Variants in FAM83B observed in about 807,000 individuals in gnomAD.
FAM83B encodes protein FAM83B.
A neutral mutation model predicts 38.8 loss-of-function variants in FAM83B; 26 were observed. That is an observed-to-expected ratio of 0.67 (90% confidence interval 0.49 to 0.93). FAM83B has a LOEUF of 0.93. Among genes scored for constraint, FAM83B ranks in the 40% least tolerant of loss-of-function variants. The pLI, the probability that FAM83B is intolerant of heterozygous loss-of-function variation, is 0.00. For synonymous variants in FAM83B, 419 were observed against 423.1 expected, an observed-to-expected ratio of 0.99 and a Z score of 0.12; for missense variants, 1,237 against 1,197.3, an observed-to-expected ratio of 1.03 and a Z score of -0.49.
intron 2 of FAM83B, among the ~76,000 whole-genome samples, chr6:54,925,828 C>T (rs1024395009): frequency 6.6e-6 from 1 of 152,042 alleles, no homozygotes; most frequent in South Asian, 2.1e-4. Context: ...GAACCATTCC[C>T]CCAGTAAACT....
chr6:54,917,240 A>G (rs1298283962), intron 2 of FAM83B, among the ~76,000 whole-genome samples: 1 of 152,178 alleles, frequency 6.6e-6, no homozygotes, highest in African/African-American at 2.4e-5. Context: ...AGTTATAACT[A>G]CCTTAGAAAC....
In FAM83B at chr6:54,940,155, A is replaced by G; in HGVS notation, c.1184A>G (p.Glu395Gly). The change falls in exon 5 of 5, where the codon GAA (glutamate) becomes GGA (glycine). Residue 395 changes from glutamate (E) to glycine (G), a missense_variant. By Grantham distance (98) the Glu-to-Gly change is moderately conservative. Coordinates refer to ENST00000306858, the MANE Select transcript of FAM83B (RefSeq NM_001010872.3). ...KRHSYAGEQP[E>G]TVPYLLLNRA... is the part of the protein sequence containing the mutation. ...CATAGTTATGCTGGGGAACAGCCAG[A>G]AACAGTGCCATACCTCCTGCTTAAT... is the stretch of plus-strand genomic sequence containing the variant. 1 of 1,614,118 alleles carries G rather than the reference A, an allele frequency of 6.2e-7. No individual in the cohort carries two copies. Among genetic ancestry groups the G allele is most frequent in the Non-Finnish European group, 8.5e-7 (1 of 1,180,010 alleles).
intron 4 of FAM83B, among the ~76,000 whole-genome samples, chr6:54,938,719 G>GT (rs1185841086): frequency 6.6e-6 from 1 of 151,878 alleles, no homozygotes; most frequent in Admixed American, 6.6e-5. Context: ...GGGATTATTT[G>GT]TTTTTTTCTT....
intron 4 of FAM83B, among the ~76,000 whole-genome samples, chr6:54,938,057 A>G (rs906448073): frequency 6.6e-6 from 1 of 151,964 alleles, no homozygotes; most frequent in African/African-American, 2.4e-5. Context: ...TAGTCATTAT[A>G]TCATTCTTCA....
chr6:54,891,916 C>A (rs1772412288), intron 2 of FAM83B, among the ~76,000 whole-genome samples: 1 of 152,064 alleles, frequency 6.6e-6, no homozygotes, highest in Admixed American at 6.6e-5. Flanking sequence ...CTCAGCCTCC[C>A]AAAGTACCAG....
chr6:54,922,307 A>G (rs984503248), intron 2 of FAM83B, among the ~76,000 whole-genome samples: 5 of 152,074 alleles, frequency 3.3e-5, no homozygotes, highest in Non-Finnish European at 7.4e-5. Flanking sequence ...ACCATGTTGT[A>G]CAATACTGTT....
chr6:54,891,353 T>C (rs1177886642), intron 2 of FAM83B, among the ~76,000 whole-genome samples: 3 of 152,096 alleles, frequency 2.0e-5, no homozygotes, highest in Non-Finnish European at 4.4e-5. Context: ...TTACCATTGG[T>C]TTCTGTGTTA....
rs1773724964 is a variant in FAM83B at position 54,942,407 on chromosome 6, T to C, written c.*400T>C. On this transcript the variant is annotated 3_prime_UTR_variant, in exon 5 of 5. Transcript: ENST00000306858. The stretch of plus-strand genomic sequence containing the variant: ...ATAACATGTGTTTATAGTGTTTTCA[T>C]ATCTTCAAAAATATAAGCAAATGGG... Among the ~76,000 whole-genome samples the C allele has an allele frequency of 6.6e-6, 1 of 152,184 alleles. No homozygotes were observed. The highest frequency in any genetic ancestry group is 1.5e-5 in the Non-Finnish European group (1 of 68,036).
intron 1 of FAM83B, among the ~76,000 whole-genome samples, chr6:54,847,949 G>A (rs538217527): frequency 1.3e-5 from 2 of 152,230 alleles, no homozygotes; most frequent in African/African-American, 4.8e-5. Context: ...TTACTGGCAG[G>A]CACCTCCCTT....
intron 1 of FAM83B, among the ~76,000 whole-genome samples, chr6:54,868,054 G>A (rs2127574643): frequency 1.3e-5 from 2 of 152,234 alleles, no homozygotes; most frequent in South Asian, 4.1e-4. Flanking sequence ...TAAGGATTGA[G>A]TCTTTTAAGT....
In FAM83B at chr6:54,944,238, T is replaced by C. The variant is rs1773759277; in HGVS notation, c.*2231T>C. ...AGTTTTAAACAGACACCATCACAGT[T>C]TGTGGATGAAATAGTTTTAAGCCAT... On this transcript the variant is annotated 3_prime_UTR_variant, in exon 5 of 5. Coordinates refer to ENST00000306858, the MANE Select transcript of FAM83B (RefSeq NM_001010872.3). 6.6e-6 allele frequency: 1 copy of C among 152,172 alleles called. No individual in the cohort carries two copies. Among genetic ancestry groups the C allele is most frequent in the Non-Finnish European group, 1.5e-5 (1 of 68,014 alleles). The allele number at this position is 152,172 out of a possible 1,614,324, so 9.4% of individuals were successfully genotyped here.
intron 1 of FAM83B, among the ~76,000 whole-genome samples, chr6:54,862,571 C>T (rs965891769): frequency 3.3e-5 from 5 of 152,100 alleles, no homozygotes; most frequent in African/African-American, 1.2e-4. Context: ...AGTGTTTCTT[C>T]TTCTTTTTTA....
rs73432347 is a variant in FAM83B at position 54,926,692 on chromosome 6, T to C, written c.609+157T>C. ...TGATTGATCACAGAAAGGTCCCCTG[T>C]ACTTTTTAGAATGCAACTGAAAGCA... On this transcript the variant is annotated intron_variant, in intron 3 of 4. Coordinates refer to ENST00000306858, the MANE Select transcript of FAM83B (RefSeq NM_001010872.3). Among the ~76,000 whole-genome samples the C allele has an allele frequency of 2.2e-3, 340 of 152,238 alleles. 3 individuals are homozygous for C. The highest frequency in any genetic ancestry group is 7.8e-3 in the African/African-American group (325 of 41,556).
rs148069148 is a variant in FAM83B, at chr6:54,876,604, C to A, written c.444+5914C>A. The stretch of plus-strand genomic sequence containing the variant: ...AAATTGCTCGAATTACAGACATGAG[C>A]CACCGCACCCTGCTGGAGTGCATAT... On this transcript the variant is annotated intron_variant, in intron 2 of 4. Transcript: ENST00000306858. 3.9e-3 allele frequency among the ~76,000 whole-genome samples: 592 copies of A among 151,874 alleles called. 1 individual carries two copies. Among genetic ancestry groups the A allele is most frequent in the Non-Finnish European group, 4.4e-3 (301 of 67,940 alleles).
chr6:54,933,265 A>T (rs1357449780), intron 4 of FAM83B, among the ~76,000 whole-genome samples: 1 of 151,036 alleles, frequency 6.6e-6, no homozygotes, highest in African/African-American at 2.4e-5. Flanking sequence ...ATTCAGTTAT[A>T]TTATTTTTTC....
At chr6:54,916,860 G>A (rs986110772) in intron 2 of FAM83B, among the ~76,000 whole-genome samples, 5 of 152,094 alleles carry the variant, frequency 3.3e-5, no homozygotes, top group Admixed American at 3.3e-4. Flanking sequence ...TATATGTTAT[G>A]TTGCTATCTT....
At chr6:54,885,019 G>T (rs1045059671) in intron 2 of FAM83B, among the ~76,000 whole-genome samples, 3 of 151,984 alleles carry the variant, frequency 2.0e-5, no homozygotes, top group South Asian at 4.1e-4. Flanking sequence ...TGATCTGCCC[G>T]CCTCGGCCTC....
chr6:54,877,319 G>T (rs1038561592), intron 2 of FAM83B, among the ~76,000 whole-genome samples: 1 of 150,960 alleles, frequency 6.6e-6, no homozygotes, highest in Admixed American at 6.6e-5. Context: ...AAAATAAGGG[G>T]ATATTACTTT....
intron 4 of FAM83B, among the ~76,000 whole-genome samples, 190 bp downstream of exon 4, chr6:54,927,822 A>T (rs1157503512): frequency 6.6e-6 from 1 of 151,450 alleles, no homozygotes; most frequent in Non-Finnish European, 1.5e-5. Flanking sequence ...GAGCATTAAG[A>T]TCTTATGCAA....
Sources: allele counts gnomAD v4.1 joint callset (sites outside exome capture counted in the v4.1 genomes callset), GRCh38; gene constraint gnomAD v4.1.1; transcripts MANE v1.5; gene names NCBI Gene and HGNC (gene_info 2026-07-23, HGNC 2026-07-21).